Variants in PCYT1A observed in about 807,000 individuals in gnomAD.
The protein encoded by PCYT1A is phosphate cytidylyltransferase 1A, choline.
Under a neutral mutation model 43.7 loss-of-function variants are expected in PCYT1A, and 25 were observed. The observed-to-expected ratio is 0.57, with a 90% confidence interval of 0.42 to 0.80. The LOEUF (loss-of-function observed/expected upper bound fraction) is 0.80, where lower values mean the gene tolerates loss of function less well. PCYT1A is among the 30% of genes least tolerant of loss of function. The probability of loss-of-function intolerance (pLI) is 0.00; values close to 1 mark genes in which losing one functional copy is unlikely to be tolerated. For missense variants in PCYT1A, 421 were observed against 474.2 expected, an observed-to-expected ratio of 0.89 and a Z score of 1.04; for synonymous variants, 172 against 170.7, an observed-to-expected ratio of 1.01 and a Z score of -0.06.
At chr3:196,257,672 G>A (rs959793340) in intron 3 of PCYT1A, 116 bp downstream of exon 3, 4 of 634,372 alleles carry the variant, frequency 6.3e-6, no homozygotes, top group African/African-American at 5.5e-5. Flanking sequence ...CCCCTTCGCT[G>A]CTGGCCTTTG....
intron 7 of PCYT1A, 112 bp downstream of exon 7, chr3:196,241,836 C>G (rs757359503): frequency 7.5e-7 from 1 of 1,335,178 alleles, no homozygotes; most frequent in South Asian, 1.2e-5. Context: ...ATTCACTGAA[C>G]TTTTGGGAGT....
At chr3:196,257,673 C>G (rs1724988830) in intron 3 of PCYT1A, 115 bp downstream of exon 3, 1 of 637,802 alleles carries the variant, frequency 1.6e-6, no homozygotes, top group African/African-American at 1.8e-5. Context: ...CCCTTCGCTG[C>G]TGGCCTTTGC....
chr3:196,242,038 G>T lies in PCYT1A; in HGVS notation c.618C>A (p.Ile206=). ...RTEGISTSDI[I]TRIVRDYDVY... ...CATCATAATCCCGCACAATTCGGGT[G>T]ATGATGTCTGATGTGGAGATACCTT... is the stretch of plus-strand genomic sequence containing the variant. Residue 206 remains isoleucine (I), a synonymous_variant, in exon 7 of 9, where the codon ATC becomes ATA. Transcript: ENST00000431016. The surrounding 1 kb of genome is among the most constrained non-coding windows in gnomAD (Gnocchi z 4.2). 1 of 1,614,048 alleles carries T rather than the reference G, an allele frequency of 6.2e-7. No homozygotes were observed. Among genetic ancestry groups the T allele is most frequent in the African/African-American group, 1.3e-5 (1 of 75,058 alleles).
intron 7 of PCYT1A, chr3:196,240,734 A>C (rs894851191): frequency 1.3e-5 from 2 of 152,100 alleles, no homozygotes; most frequent in African/African-American, 4.8e-5. Flanking sequence ...CCAGATCATA[A>C]AGAGAAAAGG....
intron 8 of PCYT1A, among the ~76,000 whole-genome samples, chr3:196,239,099 C>T (rs1245866039): frequency 1.3e-5 from 2 of 152,192 alleles, no homozygotes; most frequent in African/African-American, 4.8e-5. Flanking sequence ...CAGACAGATC[C>T]TTCCTGATAT....
chr3:196,278,333 C>T (rs1209259495), intron 1 of PCYT1A, among the ~76,000 whole-genome samples: 1 of 152,126 alleles, frequency 6.6e-6, no homozygotes, highest in African/African-American at 2.4e-5. Context: ...CTGTCATCAA[C>T]CAATACCATT....
At chr3:196,267,178 CAAAAA>C in intron 2 of PCYT1A, 39 of 190,760 alleles carry the variant, frequency 2.0e-4, no homozygotes, top group South Asian at 2.7e-4. Flanking sequence ...GACTCAGTCT[CAAAAA>C]AAAAAAAAAA....
At chr3:196,264,546 T>G (rs1216321761) in intron 2 of PCYT1A, among the ~76,000 whole-genome samples, 1 of 152,194 alleles carries the variant, frequency 6.6e-6, no homozygotes, top group Non-Finnish European at 1.5e-5. Flanking sequence ...AAATAACCCT[T>G]TTGATGACGC....
intron 1 of PCYT1A, among the ~76,000 whole-genome samples, chr3:196,274,621 T>G (rs1359040477): frequency 1.3e-5 from 2 of 152,210 alleles, no homozygotes. Context: ...GGAAAACCAA[T>G]GCCAGACAGA....
In PCYT1A at chr3:196,243,425, C is replaced by G. The variant is rs142652314; in HGVS notation, c.487-785G>C. On this transcript the variant is annotated intron_variant, in intron 5 of 8. Coordinates refer to ENST00000431016, the MANE Select transcript of PCYT1A (RefSeq NM_001312673.2). Reference sequence around the variant, plus strand: ...GAATATAAAAATAGCAACCACGAGCCCTCTGACTGGAATAGATACATCTAT... The same window carrying G: ...GAATATAAAAATAGCAACCACGAGCGCTCTGACTGGAATAGATACATCTAT... 3.2e-4 allele frequency among the ~76,000 whole-genome samples: 48 copies of G among 152,280 alleles called. No individual in the cohort carries two copies. The East Asian group carries it at 8.7e-3, about 28-fold the overall frequency.
rs1190599036 is a variant in PCYT1A at position 196,241,894 on chromosome 3, A to C, written c.708+54T>G. 14 of 1,596,390 alleles carry C rather than the reference A, an allele frequency of 8.8e-6. No individual in the cohort carries two copies. In the Middle Eastern group the frequency reaches 5.0e-4, roughly 57 times the overall value. On this transcript the variant is annotated intron_variant, in intron 7 of 8. Coordinates refer to ENST00000431016, the MANE Select transcript of PCYT1A (RefSeq NM_001312673.2). ...GCCAGTTCAGCTGAGATGGAGTGGGAGGTGATATGTCTCCTACAGAGTCAG... is the reference window on the plus strand; with the variant it reads ...GCCAGTTCAGCTGAGATGGAGTGGGCGGTGATATGTCTCCTACAGAGTCAG...
At chr3:196,276,659 A>G (rs1311903383) in intron 1 of PCYT1A, among the ~76,000 whole-genome samples, 1 of 152,164 alleles carries the variant, frequency 6.6e-6, no homozygotes. Flanking sequence ...GGAAGCTTCA[A>G]TTAAGGCATG....
At chr3:196,281,333 T>C (rs767233370) in intron 1 of PCYT1A, among the ~76,000 whole-genome samples, 1 of 152,184 alleles carries the variant, frequency 6.6e-6, no homozygotes, top group East Asian at 1.9e-4. Context: ...TTGCCCCCTA[T>C]GTAAAGGCCT....
intron 1 of PCYT1A, among the ~76,000 whole-genome samples, chr3:196,274,540 T>C (rs1407056709): frequency 1.3e-5 from 2 of 152,024 alleles, no homozygotes; most frequent in African/African-American, 4.8e-5. Context: ...AAATTGGGGG[T>C]AGGGGAAACT....
chr3:196,281,008 G>A (rs1013487206), intron 1 of PCYT1A, among the ~76,000 whole-genome samples: 5 of 152,196 alleles, frequency 3.3e-5, no homozygotes, highest in African/African-American at 9.7e-5. Flanking sequence ...GCAAAAAGAT[G>A]AGGCATAATT....
Position 196,247,097 on chromosome 3 carries a change from T to A in PCYT1A, c.486+270A>T, listed in dbSNP as rs543797566. On this transcript the variant is annotated intron_variant, in intron 5 of 8. Coordinates refer to ENST00000431016, the MANE Select transcript of PCYT1A (RefSeq NM_001312673.2). This position sits in a 1 kb window ranked among gnomAD's most constrained non-coding sequence, Gnocchi z 4.8. The stretch of plus-strand genomic sequence containing the variant: ...TGGTTTCTCTAGCCCTTGTTACTCA[T>A]ATGTAAAGCGGAAATGACAAACACA... Among the ~76,000 whole-genome samples, 3 of 152,354 alleles carry A rather than the reference T, an allele frequency of 2.0e-5. No homozygotes were observed. The South Asian group carries it at 6.2e-4, about 32-fold the overall frequency.
rs182882201 is a variant in PCYT1A at position 196,253,495 on chromosome 3, C to G, written c.217+4293G>C. 1.4e-4 allele frequency among the ~76,000 whole-genome samples: 22 copies of G among 152,286 alleles called. No individual in the cohort carries two copies. The East Asian group carries it at 4.2e-3, about 29-fold the overall frequency. ...ACAAATGAAGACTACTTTGTTGTTT[C>G]TTTGCTACTAGACAGCATACAGCAG... On this transcript the variant is annotated intron_variant, in intron 3 of 8. Coordinates refer to ENST00000431016, the MANE Select transcript of PCYT1A (RefSeq NM_001312673.2).
rs938455483 is a variant in PCYT1A, at chr3:196,242,198, G to C, written c.566-108C>G. On this transcript the variant is annotated intron_variant, in intron 6 of 8. Transcript: ENST00000431016. The surrounding 1 kb of genome is among the most constrained non-coding windows in gnomAD (Gnocchi z 4.2). ...ATTCCTTTCCTTTCCTCAAAAAGCAGAATCTGTTATTACTAAATGAAACTG... is the reference window on the plus strand; with the variant it reads ...ATTCCTTTCCTTTCCTCAAAAAGCACAATCTGTTATTACTAAATGAAACTG... 1 of 1,116,768 alleles carries C rather than the reference G, an allele frequency of 9.0e-7. No homozygotes were observed. 69.2% of individuals were successfully genotyped at this position (1,116,768 alleles called of 1,614,324 possible).
At chr3:196,248,939 T>G (rs1577359051) in intron 3 of PCYT1A, among the ~76,000 whole-genome samples, 1 of 151,740 alleles carries the variant, frequency 6.6e-6, no homozygotes, top group Middle Eastern at 3.4e-3. Context: ...TGTATTATTT[T>G]TTAGTAGAGA....
Sources: allele counts gnomAD v4.1 joint callset (sites outside exome capture counted in the v4.1 genomes callset), GRCh38; gene constraint gnomAD v4.1.1; non-coding constraint Gnocchi (gnomAD v3.1); transcripts MANE v1.5; gene names NCBI Gene and HGNC (gene_info 2026-07-23, HGNC 2026-07-21).